The following AGFG1 variants were observed in gnomAD, a reference collection of about 807,000 sequenced individuals.
AGFG1 encodes the protein ArfGAP with FG repeats 1.
AGFG1 carries 10 observed loss-of-function variants against 60.6 expected under a neutral mutation model. That is an observed-to-expected ratio of 0.16 (90% CI 0.10 to 0.28). AGFG1 has a LOEUF of 0.28. Ranked by LOEUF, AGFG1 falls within the 10% of genes least tolerant of loss-of-function variation. The pLI is 1.00. For synonymous variants in AGFG1, 247 were observed against 242.9 expected, an observed-to-expected ratio of 1.02 and a Z score of -0.16; for missense variants, 537 against 676.5, an observed-to-expected ratio of 0.79 and a Z score of 2.29.
chr2:227,543,144 G>GTC (rs1191581815), intron 10 of AGFG1, among the ~76,000 whole-genome samples: 31 of 152,124 alleles, frequency 2.0e-4, no homozygotes, highest in African/African-American at 7.0e-4. Context: ...GGTTTTTTGT[G>GTC]TCTCTCTCTC....
At chr2:227,500,829 G>GT (rs1482582585) in intron 2 of AGFG1, among the ~76,000 whole-genome samples, 1 of 151,384 alleles carries the variant, frequency 6.6e-6, no homozygotes, top group Non-Finnish European at 1.5e-5. Flanking sequence ...TTTCGCTCTT[G>GT]TTGCCCAGGC....
At chr2:227,541,721 A>G (rs1692497546) in intron 10 of AGFG1, among the ~76,000 whole-genome samples, 1 of 152,130 alleles carries the variant, frequency 6.6e-6, no homozygotes, top group East Asian at 1.9e-4. Context: ...AGTTTTTTCC[A>G]ATTCTGTGAA....
At position 227,558,348 on chromosome 2, in the gene AGFG1, T is replaced by C. The variant is rs1433181851; in HGVS notation, c.*3853T>C. The C allele has an allele frequency of 6.6e-6, 1 of 152,174 alleles. No homozygotes were observed. The highest frequency in any genetic ancestry group is 1.5e-5 in the Non-Finnish European group (1 of 68,006). 9.4% of individuals were successfully genotyped at this position (152,174 alleles called of 1,614,324 possible). A position where few individuals can be genotyped will look rare whatever the true frequency, so the allele number is the denominator to read the frequency against. ...GTATATCTAAAAAAACTTTAATCAC[T>C]TGAATTCCTTTCATAATTTGATGAA... is the stretch of plus-strand genomic sequence containing the variant. On this transcript the variant is annotated 3_prime_UTR_variant, in exon 13 of 13. Coordinates refer to ENST00000310078, the MANE Select transcript of AGFG1 (RefSeq NM_004504.5).
At chr2:227,498,160 T>C (rs989554363) in intron 2 of AGFG1, among the ~76,000 whole-genome samples, 9 of 152,246 alleles carry the variant, frequency 5.9e-5, no homozygotes, top group Admixed American at 2.6e-4. Flanking sequence ...AAAATTTTTT[T>C]CCCCAGGTTT....
chr2:227,532,260 T>C (rs1692186085), intron 6 of AGFG1: 2 of 1,402,120 alleles, frequency 1.4e-6, no homozygotes. Context: ...ATATTTTTGC[T>C]ATACTTCAAG....
chr2:227,553,014 A>AG (rs1322976406), intron 11 of AGFG1, among the ~76,000 whole-genome samples: 2 of 151,752 alleles, frequency 1.3e-5, no homozygotes, highest in East Asian at 1.9e-4. Flanking sequence ...AAAAAAAAAA[A>AG]AAAAAAATCT....
At chr2:227,506,574 A>AG (rs1373815599) in intron 2 of AGFG1, among the ~76,000 whole-genome samples, 1 of 151,302 alleles carries the variant, frequency 6.6e-6, no homozygotes, top group African/African-American at 2.4e-5. Context: ...AAAAAAAAAA[A>AG]AAAAAGCACA....
intron 1 of AGFG1, among the ~76,000 whole-genome samples, chr2:227,485,108 A>G (rs1195314979): frequency 6.6e-6 from 1 of 152,024 alleles, no homozygotes; most frequent in Non-Finnish European, 1.5e-5. Flanking sequence ...ATTTTTTCTT[A>G]CCACTTGAAG....
At chr2:227,480,606 T>A (rs1690428472) in intron 1 of AGFG1, among the ~76,000 whole-genome samples, 1 of 142,694 alleles carries the variant, frequency 7.0e-6, no homozygotes, top group Non-Finnish European at 1.5e-5. Flanking sequence ...TTTTTTTTTT[T>A]AACTGTTTCT....
intron 6 of AGFG1, among the ~76,000 whole-genome samples, chr2:227,532,893 T>A (rs1197694309): frequency 6.6e-6 from 1 of 152,122 alleles, no homozygotes; most frequent in Non-Finnish European, 1.5e-5. Context: ...AATTGTGGTT[T>A]ATAAAGTCAA....
intron 2 of AGFG1, among the ~76,000 whole-genome samples, chr2:227,505,063 C>T (rs1437025893): frequency 6.6e-6 from 1 of 152,102 alleles, no homozygotes; most frequent in Non-Finnish European, 1.5e-5. Context: ...GTAATAAATA[C>T]ATCATTTTTT....
intron 2 of AGFG1, among the ~76,000 whole-genome samples, chr2:227,493,076 A>G (rs1184132793): frequency 6.6e-6 from 1 of 152,178 alleles, no homozygotes; most frequent in Non-Finnish European, 1.5e-5. Context: ...CAGTCAATTG[A>G]AGAAGTGAAA....
At chr2:227,541,372 C>G (rs370221504) in intron 10 of AGFG1, among the ~76,000 whole-genome samples, 2 of 151,994 alleles carry the variant, frequency 1.3e-5, no homozygotes, top group Non-Finnish European at 2.9e-5. Context: ...AATTTTTGTA[C>G]AAGGTGTAAG....
chr2:227,489,223 GTTTTTTT>G (rs55762248), intron 1 of AGFG1, among the ~76,000 whole-genome samples: 3 of 74,810 alleles, frequency 4.0e-5, no homozygotes, highest in Non-Finnish European at 6.9e-5. Context: ...AGTTTTGAGA[GTTTTTTT>G]TTTTTTTTTT....
intron 2 of AGFG1, among the ~76,000 whole-genome samples, chr2:227,513,204 T>C (rs1431126790): frequency 6.6e-6 from 1 of 152,204 alleles, no homozygotes; most frequent in African/African-American, 2.4e-5. Flanking sequence ...TTGGTATTCA[T>C]AACTGAGTTT....
rs1258060898 is a variant in AGFG1, at chr2:227,558,017, T to C, written c.*3522T>C. The C allele has an allele frequency of 6.6e-6, 1 of 152,216 alleles. No homozygotes were observed. The highest frequency in any genetic ancestry group is 2.4e-5 in the African/African-American group (1 of 41,462). The allele number at this position is 152,216 out of a possible 1,614,324, so 9.4% of individuals were successfully genotyped here. ...GGGCAAACATAACTATTCCCTGGGT[T>C]TTTTTTGTTTGCTAGTGAGAACTGA... On this transcript the variant is annotated 3_prime_UTR_variant, in exon 13 of 13. Coordinates refer to ENST00000310078, the MANE Select transcript of AGFG1 (RefSeq NM_004504.5).
intron 1 of AGFG1, among the ~76,000 whole-genome samples, chr2:227,481,422 T>C (rs1349009471): frequency 6.6e-6 from 1 of 151,778 alleles, no homozygotes; most frequent in Non-Finnish European, 1.5e-5. Context: ...AACTGGAGAG[T>C]CTAATGATTT....
intron 2 of AGFG1, among the ~76,000 whole-genome samples, chr2:227,511,118 T>C (rs1361943911): frequency 6.6e-6 from 1 of 152,232 alleles, no homozygotes; most frequent in Non-Finnish European, 1.5e-5. Context: ...AGATAGTCCT[T>C]GCTGTTGGGA....
At chr2:227,532,093 T>C (rs1252788183) in intron 6 of AGFG1, 29 of 1,465,158 alleles carry the variant, frequency 2.0e-5, no homozygotes, top group Non-Finnish European at 2.2e-5. Flanking sequence ...TTCTTTTTTG[T>C]TTTTTCTTTA....
Sources: allele counts gnomAD v4.1 joint callset (sites outside exome capture counted in the v4.1 genomes callset), GRCh38; gene constraint gnomAD v4.1.1; transcripts MANE v1.5; gene names NCBI Gene and HGNC (gene_info 2026-07-23, HGNC 2026-07-21).